The following THTPA variants were observed in gnomAD, a reference collection of about 807,000 sequenced individuals.
THTPA encodes the protein thiamine-triphosphatase.
In THTPA, 16 loss-of-function variants were observed where a neutral mutation model predicts 16.5. That is an observed-to-expected ratio of 0.97 (90% CI 0.66 to 1.47). The LOEUF (loss-of-function observed/expected upper bound fraction) is 1.47, where lower values mean the gene tolerates loss of function less well. Among genes scored for constraint, THTPA ranks in the 40% most tolerant of loss-of-function variants. THTPA has a pLI of 0.00. For synonymous variants in THTPA, 110 were observed against 115.5 expected, an observed-to-expected ratio of 0.95 and a Z score of 0.30; for missense variants, 281 against 280.9, an observed-to-expected ratio of 1.00 and a Z score of 0.00.
At chr14:23,532,408 C>CA in the THTPA span, 1 of 853,124 alleles carries the variant, frequency 1.2e-6, no homozygotes, top group East Asian at 3.0e-5. Context: ...CCATGTCTGT[C>CA]ACTTTGTTAC....
the THTPA span, chr14:23,534,172 A>T: frequency 2.0e-6 from 3 of 1,473,838 alleles, no homozygotes; most frequent in East Asian, 4.9e-5. This position sits in a 1 kb window ranked among gnomAD's most constrained non-coding sequence, Gnocchi z 4.5. Context: ...TGGGGGGCAG[A>T]GCCCTCCATC....
the THTPA span, chr14:23,531,466 T>C: frequency 7.2e-7 from 1 of 1,392,016 alleles, no homozygotes; most frequent in Non-Finnish European, 9.4e-7. Context: ...TATTCTCCAG[T>C]CCCTTCTTCC....
chr14:23,526,890 G>C, the THTPA span: 3 of 1,534,000 alleles, frequency 2.0e-6, no homozygotes, highest in South Asian at 3.6e-5. Flanking sequence ...GCCCATGAGT[G>C]GGGGGTTCTT....
At chr14:23,523,420 G>A in the THTPA span, 1 of 1,531,776 alleles carries the variant, frequency 6.5e-7, no homozygotes. This position sits in a 1 kb window ranked among gnomAD's most constrained non-coding sequence, Gnocchi z 4.1. Context: ...CCGCCTCCTT[G>A]AGCTTGGCCA....
the THTPA span, chr14:23,527,620 T>G: frequency 6.5e-7 from 1 of 1,536,628 alleles, no homozygotes; most frequent in East Asian, 2.4e-5. Context: ...CAGCAGCTTC[T>G]CAACGCACTC....
chr14:23,548,212 T>G, the THTPA span, among the ~76,000 whole-genome samples: 1 of 152,180 alleles, frequency 6.6e-6, no homozygotes, highest in Non-Finnish European at 1.5e-5. Context: ...CTGCCTGCCT[T>G]TTGATCCAAC....
the THTPA span, chr14:23,521,864 A>AG: frequency 6.7e-7 from 1 of 1,486,024 alleles, no homozygotes; most frequent in Non-Finnish European, 8.9e-7. Flanking sequence ...GGGCGGGGCC[A>AG]GGGGGTGGGG....
rs1882396485 is a variant in THTPA, at chr14:23,556,581, A to G, written c.-177A>G. 1.5e-6 allele frequency: 1 copy of G among 665,754 alleles called. No individual in the cohort carries two copies. 41.2% of individuals were successfully genotyped at this position (665,754 alleles called of 1,614,324 possible). A position where few individuals can be genotyped will look rare whatever the true frequency, so the allele number is the denominator to read the frequency against. ...TTAAAATATCACCGACGGGGCCTTA[A>G]TGTCACCGAGGTAGAGAGAAAAGGG... On this transcript the variant is annotated 5_prime_UTR_variant, in exon 1 of 2. The change abolishes an upstream ATG in the 5' untranslated region. Transcript: ENST00000288014.
At chr14:23,533,294 G>T in the THTPA span, 1 of 1,436,826 alleles carries the variant, frequency 7.0e-7, no homozygotes, top group Non-Finnish European at 9.1e-7. This position sits in a 1 kb window ranked among gnomAD's most constrained non-coding sequence, Gnocchi z 4.8. Context: ...CCGGATGTGG[G>T]GAACTTGCGG....
chr14:23,554,096 G>A (rs189961891), upstream of THTPA, among the ~76,000 whole-genome samples: 241 of 151,158 alleles, frequency 1.6e-3, 2 homozygotes, highest in African/African-American at 5.7e-3. Flanking sequence ...AGTAGCTTGC[G>A]GAAGGCCAAA....
chr14:23,556,560 A>T lies in THTPA; in HGVS notation c.-198A>T. On this transcript the variant is annotated 5_prime_UTR_variant, in exon 1 of 2. Transcript: ENST00000288014. ...AGACCTGTCACTGTCAGAGCCTTAA[A>T]ATATCACCGACGGGGCCTTAATGTC... 1.6e-6 allele frequency: 1 copy of T among 612,186 alleles called. No homozygotes were observed. Among genetic ancestry groups the T allele is most frequent in the Non-Finnish European group, 2.8e-6 (1 of 353,074 alleles). The allele number at this position is 612,186 out of a possible 1,614,324, so 37.9% of individuals were successfully genotyped here.
the THTPA span, chr14:23,531,417 C>G: frequency 7.4e-7 from 1 of 1,346,386 alleles, no homozygotes; most frequent in Admixed American, 3.2e-5. Context: ...CCGCAGCCCC[C>G]CTGCTCCCCA....
At chr14:23,517,779 CT>C in the THTPA span, among the ~76,000 whole-genome samples, 1 of 152,244 alleles carries the variant, frequency 6.6e-6, no homozygotes, top group South Asian at 2.1e-4. Flanking sequence ...TGCCATCCCC[CT>C]GTCCCCTCTT....
chr14:23,524,533 T>G, the THTPA span: 1 of 1,526,154 alleles, frequency 6.6e-7, no homozygotes. This position sits in a 1 kb window ranked among gnomAD's most constrained non-coding sequence, Gnocchi z 5.6. Flanking sequence ...GATCTAGGAG[T>G]TGGGGGGGAG....
the THTPA span, among the ~76,000 whole-genome samples, chr14:23,537,658 G>T: frequency 3.3e-5 from 5 of 152,180 alleles, no homozygotes; most frequent in Non-Finnish European, 7.4e-5. Flanking sequence ...GGTCGGGGGA[G>T]TTGGAGAACC....
chr14:23,538,545 C>T, the THTPA span, among the ~76,000 whole-genome samples: 1 of 152,158 alleles, frequency 6.6e-6, no homozygotes, highest in Non-Finnish European at 1.5e-5. Flanking sequence ...GAGTCATCCC[C>T]TCCTGCCACC....
chr14:23,552,321 TCTCA>T (rs1169402603), upstream of THTPA, among the ~76,000 whole-genome samples: 1 of 146,298 alleles, frequency 6.8e-6, no homozygotes, highest in Non-Finnish European at 1.5e-5. Context: ...GGAGACGGAG[TCTCA>T]CTCAGTCGCC....
chr14:23,559,454 C>A lies in THTPA; in HGVS notation c.*614C>A. 2.6e-6 allele frequency: 1 copy of A among 386,936 alleles called. No homozygotes were observed. Among genetic ancestry groups the A allele is most frequent in the South Asian group, 2.4e-5 (1 of 41,272 alleles). The allele number at this position is 386,936 out of a possible 1,614,324, so 24.0% of individuals were successfully genotyped here. A position where few individuals can be genotyped will look rare whatever the true frequency, so the allele number is the denominator to read the frequency against. Reference sequence around the variant, plus strand: ...AACCAACAGCTGCCCCCTCCCCGCCCCCGTGTTGAGACAGGTTCTCAAGGC... The same window carrying A: ...AACCAACAGCTGCCCCCTCCCCGCCACCGTGTTGAGACAGGTTCTCAAGGC... On this transcript the variant is annotated 3_prime_UTR_variant, in exon 2 of 2. Transcript: ENST00000288014.
At chr14:23,557,462 C>A (rs1882545356) in intron 1 of THTPA, among the ~76,000 whole-genome samples, 158 bp downstream of exon 1, 1 of 152,236 alleles carries the variant, frequency 6.6e-6, no homozygotes, top group Middle Eastern at 3.4e-3. Context: ...TCTGGAACTC[C>A]TGGACTCAAG....
Sources: allele counts gnomAD v4.1 joint callset (sites outside exome capture counted in the v4.1 genomes callset), GRCh38; gene constraint gnomAD v4.1.1; non-coding constraint Gnocchi (gnomAD v3.1); transcripts MANE v1.5; gene names NCBI Gene and HGNC (gene_info 2026-07-23, HGNC 2026-07-21).